Variants in DNAH6 observed in about 807,000 individuals in gnomAD.
DNAH6 encodes axonemal beta dynein heavy chain 6.
DNAH6 carries 340 observed loss-of-function variants against 491.4 expected under a neutral mutation model. The observed-to-expected ratio is 0.69, with a 90% CI of 0.63 to 0.76. DNAH6 has a LOEUF of 0.76. DNAH6 is among the 30% of genes least tolerant of loss of function. The pLI is 0.00. For missense variants in DNAH6, 4,443 were observed against 4,972.2 expected (o/e 0.89, Z 3.20); for synonymous variants, 1,603 against 1,686.1 (o/e 0.95, Z 1.21).
intron 63 of DNAH6, among the ~76,000 whole-genome samples, chr2:84,745,932 GA>G (rs1672935071): frequency 6.6e-6 from 1 of 152,104 alleles, no homozygotes; most frequent in Non-Finnish European, 1.5e-5. Flanking sequence ...GTTTGAAGAT[GA>G]AAGAAGTTAT....
At chr2:84,628,467 C>G (rs932506425) in intron 29 of DNAH6, among the ~76,000 whole-genome samples, 1 of 152,158 alleles carries the variant, frequency 6.6e-6, no homozygotes, top group African/African-American at 2.4e-5. Context: ...GATGCACTAC[C>G]TTTCCCAAGA....
chr2:84,799,331 T>C (rs1380516618), intron 70 of DNAH6, among the ~76,000 whole-genome samples: 1 of 152,202 alleles, frequency 6.6e-6, no homozygotes, highest in Non-Finnish European at 1.5e-5. Flanking sequence ...CAGCCACCAC[T>C]TTTCCCTTAC....
chr2:84,628,402 A>G (rs1196226734), intron 29 of DNAH6, among the ~76,000 whole-genome samples: 1 of 152,068 alleles, frequency 6.6e-6, no homozygotes, highest in Non-Finnish European at 1.5e-5. Flanking sequence ...TGACAACTTC[A>G]TAAGAGAGAG....
chr2:84,712,164 C>T (rs973015185), intron 56 of DNAH6, among the ~76,000 whole-genome samples: 1 of 152,176 alleles, frequency 6.6e-6, no homozygotes, highest in Non-Finnish European at 1.5e-5. Context: ...TGTCTCCACC[C>T]ATTCATGAGT....
intron 11 of DNAH6, among the ~76,000 whole-genome samples, chr2:84,567,835 G>T (rs1681366228): frequency 1.3e-5 from 2 of 152,046 alleles, no homozygotes; most frequent in Non-Finnish European, 2.9e-5. Context: ...CACAACAAAA[G>T]AAACTATCAT....
intron 64 of DNAH6, among the ~76,000 whole-genome samples, chr2:84,775,089 T>C (rs1675997230): frequency 6.6e-6 from 1 of 152,206 alleles, no homozygotes; most frequent in African/African-American, 2.4e-5. Flanking sequence ...GTTCCAGTTC[T>C]CAAGGAGAAT....
intron 51 of DNAH6, among the ~76,000 whole-genome samples, chr2:84,704,706 ATGGGGC>A (rs1558935760): frequency 6.6e-6 from 1 of 152,172 alleles, no homozygotes; most frequent in Non-Finnish European, 1.5e-5. Context: ...TTGGAGTGGG[ATGGGGC>A]TGGGCAGGAG....
intron 2 of DNAH6, 90 bp from the exon 3 acceptor site, chr2:84,525,475 C>T: frequency 7.7e-7 from 1 of 1,303,524 alleles, no homozygotes; most frequent in Non-Finnish European, 1.0e-6. Context: ...GATCAATTTC[C>T]AACAGGAGAA....
At chr2:84,734,877 T>C (rs1267381934) in intron 62 of DNAH6, among the ~76,000 whole-genome samples, 1 of 152,244 alleles carries the variant, frequency 6.6e-6, no homozygotes, top group African/African-American at 2.4e-5. Flanking sequence ...GCTTTTTGCC[T>C]TAAATATATT....
intron 18 of DNAH6, among the ~76,000 whole-genome samples, chr2:84,602,073 A>C (rs1685301660): frequency 7.0e-6 from 1 of 142,110 alleles, no homozygotes. Context: ...TATACTATAA[A>C]TATAACTTAT....
At chr2:84,630,672 A>G (rs1222028660) in intron 29 of DNAH6, among the ~76,000 whole-genome samples, 1 of 152,232 alleles carries the variant, frequency 6.6e-6, no homozygotes, top group Non-Finnish European at 1.5e-5. Flanking sequence ...TCTTTGTCGG[A>G]ACAAACCAAT....
intron 9 of DNAH6, among the ~76,000 whole-genome samples, chr2:84,551,024 C>A (rs1198200924): frequency 6.6e-6 from 1 of 152,080 alleles, no homozygotes; most frequent in Non-Finnish European, 1.5e-5. Flanking sequence ...GTAAGTTTTG[C>A]CCTAGCTCCA....
At chr2:84,723,576 C>G (rs926310216) in intron 60 of DNAH6, among the ~76,000 whole-genome samples, 1 of 152,196 alleles carries the variant, frequency 6.6e-6, no homozygotes, top group Non-Finnish European at 1.5e-5. Flanking sequence ...TGTTGTATCT[C>G]AAGTCCAAAC....
intron 63 of DNAH6, 141 bp from the exon 64 acceptor site, chr2:84,762,614 A>G (rs1674696693): frequency 1.6e-6 from 1 of 609,352 alleles, no homozygotes; most frequent in Non-Finnish European, 2.9e-6. Flanking sequence ...AACAATATCT[A>G]TAAAAAGATG....
chr2:84,665,797 A>C (rs1162034429), intron 37 of DNAH6, among the ~76,000 whole-genome samples: 2 of 152,138 alleles, frequency 1.3e-5, no homozygotes, highest in Non-Finnish European at 1.5e-5. Context: ...GACACACACA[A>C]AAAAAGAGAA....
At chr2:84,478,411 G>A in the DNAH6 span, among the ~76,000 whole-genome samples, 1 of 152,226 alleles carries the variant, frequency 6.6e-6, no homozygotes, top group African/African-American at 2.4e-5. Context: ...ATGAGGACAA[G>A]GAACTTTCTG....
Position 84,738,508 on chromosome 2 carries a change from T to C in DNAH6, c.10342+4929T>C, listed in dbSNP as rs149468323. 3.3e-5 allele frequency among the ~76,000 whole-genome samples: 5 copies of C among 152,316 alleles called. No individual in the cohort carries two copies. In the East Asian group the frequency reaches 9.6e-4, roughly 29 times the overall value. On this transcript the variant is annotated intron_variant, in intron 62 of 76. Coordinates refer to ENST00000389394, the MANE Select transcript of DNAH6 (RefSeq NM_001370.2). ...TCATTAAGCCTAGATGTGCTTGTTTTATAAGTCTGGGTACTCCAATGTTGG... is the reference window on the plus strand; with the variant it reads ...TCATTAAGCCTAGATGTGCTTGTTTCATAAGTCTGGGTACTCCAATGTTGG...
At chr2:84,758,117 C>A (rs1674222343) in intron 63 of DNAH6, among the ~76,000 whole-genome samples, 1 of 152,070 alleles carries the variant, frequency 6.6e-6, no homozygotes, top group Non-Finnish European at 1.5e-5. Flanking sequence ...TGTGATAAAG[C>A]CACTGAGAAC....
Position 84,541,286 on chromosome 2 carries a change from A to G in DNAH6, c.663-2947A>G, listed in dbSNP as rs578058533. ...CTCTCAGTAATGAACTGGAAAGTCT[A>G]AGAATAGGATTACAGAGAAATGTAC... is the stretch of plus-strand genomic sequence containing the variant. On this transcript the variant is annotated intron_variant, in intron 4 of 76. Coordinates refer to ENST00000389394, the MANE Select transcript of DNAH6 (RefSeq NM_001370.2). Among the ~76,000 whole-genome samples, 4 of 152,324 alleles carry G rather than the reference A, an allele frequency of 2.6e-5. No individual in the cohort carries two copies. The South Asian group carries it at 8.3e-4, about 32-fold the overall frequency.
Sources: allele counts gnomAD v4.1 joint callset (sites outside exome capture counted in the v4.1 genomes callset), GRCh38; gene constraint gnomAD v4.1.1; transcripts MANE v1.5; gene names NCBI Gene and HGNC (gene_info 2026-07-23, HGNC 2026-07-21).